Variants in SCN9A observed in about 807,000 individuals in gnomAD.
The protein encoded by SCN9A is sodium voltage-gated channel alpha subunit 9.
Under a neutral mutation model 187.0 loss-of-function variants are expected in SCN9A, and 131 were observed. The observed-to-expected ratio is 0.70, with a 90% CI of 0.61 to 0.81. The LOEUF (loss-of-function observed/expected upper bound fraction) is 0.81, where lower values mean the gene tolerates loss of function less well. Ranked by LOEUF, SCN9A falls within the 30% of genes least tolerant of loss-of-function variation. The pLI, the probability that SCN9A is intolerant of heterozygous loss-of-function variation, is 0.00. For missense variants in SCN9A, 2,252 were observed against 2,396.6 expected (o/e 0.94, Z 1.26); for synonymous variants, 809 against 808.6 (o/e 1.00, Z -0.01).
chr2:166,282,757 T>C (rs1559008652), intron 12 of SCN9A, among the ~76,000 whole-genome samples: 1 of 152,130 alleles, frequency 6.6e-6, no homozygotes, highest in Non-Finnish European at 1.5e-5. Context: ...CAGGCATAGA[T>C]ATGTGCATGG....
chr2:166,266,561 T>C (rs1370913665), intron 17 of SCN9A, among the ~76,000 whole-genome samples: 2 of 134,292 alleles, frequency 1.5e-5, no homozygotes, highest in African/African-American at 5.6e-5. Flanking sequence ...TGTGGTTTCA[T>C]ACAAATGTTA....
chr2:166,250,827 A>T (rs1375209548), intron 18 of SCN9A, among the ~76,000 whole-genome samples: 1 of 152,072 alleles, frequency 6.6e-6, no homozygotes. Flanking sequence ...TGTGCATGCA[A>T]ATCCTCTTAA....
rs1314847784 is a variant in SCN9A at position 166,200,664 on chromosome 2, C to G, written c.4775-800G>C. ...ATTTATTTATTTTTCAAGACAGAGT[C>G]TTGCTCTGTCGCCAAAGCTGGAGTG... On this transcript the variant is annotated intron_variant, in intron 26 of 26. Transcript: ENST00000642356. Among the ~76,000 whole-genome samples, 4 of 152,134 alleles carry G rather than the reference C, an allele frequency of 2.6e-5. No individual in the cohort carries two copies. In the East Asian group the frequency reaches 7.7e-4, roughly 29 times the overall value.
Position 166,198,713 on chromosome 2 carries a change from T to C in SCN9A, c.5926A>G (p.Lys1976Glu), listed in dbSNP as rs1034452097. 8 of 1,609,902 alleles carry C rather than the reference T, an allele frequency of 5.0e-6. No individual in the cohort carries two copies. The East Asian group carries it at 1.6e-4, about 31-fold the overall frequency. ...TTGCTGTCTTTCCCTTTGTCTTCCT[T>C]TTCTGTTCTGTCTTGTTCATATTTC... ...KEKYEQDRTE[K>E]EDKGKDSKES... The change falls in exon 27 of 27, where the codon AAG becomes GAG. Residue 1976 changes from lysine to glutamate, a missense_variant. Around this residue, in one of 7 missense-constraint regions of SCN9A, gnomAD observed 345 missense variants for 344.6 expected, o/e 1.00. Coordinates refer to ENST00000642356, the MANE Select transcript of SCN9A (RefSeq NM_001365536.1).
intron 1 of SCN9A, among the ~76,000 whole-genome samples, chr2:166,329,728 T>C (rs115911128): frequency 7.3e-4 from 111 of 152,304 alleles, no homozygotes; most frequent in Non-Finnish European, 1.3e-3. Flanking sequence ...ACACACCTAC[T>C]ATATGAGAGC....
chr2:166,284,853 GC>G (rs1173058528), intron 11 of SCN9A, 29 bp from the exon 12 acceptor site: 1 of 1,552,710 alleles, frequency 6.4e-7, no homozygotes, highest in Non-Finnish European at 8.7e-7. Context: ...AAACGTGGTT[GC>G]TGAAGCACCT....
chr2:166,247,182 A>T (rs1695829388), intron 18 of SCN9A, among the ~76,000 whole-genome samples: 1 of 135,454 alleles, frequency 7.4e-6, no homozygotes, highest in Non-Finnish European at 1.6e-5. Context: ...AAAAAAAAGG[A>T]AAGGAAAGAA....
rs1430171095 is a variant in SCN9A, at chr2:166,303,988, T to C, written c.688+250A>G. 5 of 1,570,228 alleles carry C rather than the reference T, an allele frequency of 3.2e-6. No homozygotes were observed. In the African/African-American group the frequency reaches 4.1e-5, roughly 13 times the overall value. On this transcript the variant is annotated intron_variant, in intron 6 of 26. Transcript: ENST00000642356. The stretch of plus-strand genomic sequence containing the variant: ...GAAAGGTTTTTTTTATGTCTTTCTT[T>C]CAAAAGATCAAAGTCAGCCCTGGTG...
rs750748925 is a variant in SCN9A at position 166,277,314 on chromosome 2, G to C, written c.2543C>G (p.Ser848Cys). 6.2e-7 allele frequency: 1 copy of C among 1,608,410 alleles called. No individual in the cohort carries two copies. The highest frequency in any genetic ancestry group is 8.5e-7 in the Non-Finnish European group (1 of 1,175,552). ...AATCAGCATGTTCAATGTTGGCCAGGATTTTGCCAACTTGAAGACTCGGAG... is the reference window on the plus strand; with the variant it reads ...AATCAGCATGTTCAATGTTGGCCAGCATTTTGCCAACTTGAAGACTCGGAG... ...RLLRVFKLAK[S>C]WPTLNMLIKI... Residue 848 changes from serine to cysteine, a missense_variant, in exon 16 of 27, where the codon TCC becomes TGC. Ser to Cys is a moderately radical substitution (Grantham distance 112). This residue lies in a region of SCN9A where 119 missense variants were observed against 188.7 expected (regional missense o/e 0.63). Transcript: ENST00000642356.
intron 7 of SCN9A, among the ~76,000 whole-genome samples, chr2:166,294,900 A>T (rs972057827): frequency 6.6e-6 from 1 of 152,192 alleles, no homozygotes; most frequent in African/African-American, 2.4e-5. Context: ...CATTAGTTTT[A>T]TGAGACCTCC....
chr2:166,282,649 T>C (rs1697543252), intron 12 of SCN9A, among the ~76,000 whole-genome samples: 1 of 152,064 alleles, frequency 6.6e-6, no homozygotes, highest in Non-Finnish European at 1.5e-5. Flanking sequence ...TTGTGTGTGG[T>C]ATGTGGTATA....
rs80263047 is a variant in SCN9A, at chr2:166,292,901, C to A, written c.1107+330G>T. Among the ~76,000 whole-genome samples the A allele has an allele frequency of 3.9e-5, 6 of 152,224 alleles. No individual in the cohort carries two copies. The East Asian group carries it at 1.2e-3, about 29-fold the overall frequency. On this transcript the variant is annotated intron_variant, in intron 9 of 26. Coordinates refer to ENST00000642356, the MANE Select transcript of SCN9A (RefSeq NM_001365536.1). ...CCTCTTCTCTTCAGGCCATCCCAAG[C>A]ACGCATGGAAAACAGTCCATGTGCA...
chr2:166,308,313 T>C (rs1698822897), intron 2 of SCN9A, among the ~76,000 whole-genome samples: 2 of 152,194 alleles, frequency 1.3e-5, no homozygotes, highest in Non-Finnish European at 2.9e-5. Context: ...AATCTCATTT[T>C]GAATTGTAAT....
chr2:166,320,802 A>G (rs1699218564), intron 1 of SCN9A, among the ~76,000 whole-genome samples: 1 of 152,196 alleles, frequency 6.6e-6, no homozygotes, highest in Non-Finnish European at 1.5e-5. Context: ...AGGTAATGTT[A>G]AAAATGCAGC....
chr2:166,355,901 T>C (rs1188776141), intron 1 of SCN9A, among the ~76,000 whole-genome samples: 1 of 151,946 alleles, frequency 6.6e-6, no homozygotes, highest in East Asian at 1.9e-4. Flanking sequence ...GCCTCCTGAG[T>C]AGCTGGGACT....
chr2:166,234,079 C>A (rs1695210028), intron 20 of SCN9A, among the ~76,000 whole-genome samples: 1 of 152,086 alleles, frequency 6.6e-6, no homozygotes, highest in Non-Finnish European at 1.5e-5. Context: ...ATTGGCTTCA[C>A]AATCAATATA....
At chr2:166,234,742 A>T (rs1328341295) in intron 20 of SCN9A, among the ~76,000 whole-genome samples, 1 of 152,074 alleles carries the variant, frequency 6.6e-6, no homozygotes, top group Non-Finnish European at 1.5e-5. Context: ...TCCCTCTTTA[A>T]TCAGAAAATT....
At chr2:166,200,825 G>A (rs187096094) in intron 26 of SCN9A, among the ~76,000 whole-genome samples, 2 of 152,118 alleles carry the variant, frequency 1.3e-5, no homozygotes, top group East Asian at 3.9e-4. Flanking sequence ...TGGTAGGGAC[G>A]GTTTTCACCT....
chr2:166,294,131 C>T (rs1181550545), intron 8 of SCN9A, among the ~76,000 whole-genome samples: 2 of 152,108 alleles, frequency 1.3e-5, no homozygotes, highest in African/African-American at 2.4e-5. Context: ...CTTATATATA[C>T]AATATTCTTA....
Sources: allele counts gnomAD v4.1 joint callset (sites outside exome capture counted in the v4.1 genomes callset), GRCh38; gene constraint gnomAD v4.1.1; regional missense constraint gnomAD v4.1.1; transcripts MANE v1.5; gene names NCBI Gene and HGNC (gene_info 2026-07-23, HGNC 2026-07-21).